Variants in RAB3GAP1 observed in about 807,000 individuals in gnomAD.
RAB3GAP1 encodes the protein RAB3 GTPase activating protein catalytic subunit 1.
In RAB3GAP1, 86 loss-of-function variants were observed where a neutral mutation model predicts 130.7. The ratio of observed to expected loss-of-function variants is 0.66; its 90% CI spans 0.55 to 0.79. The LOEUF is 0.79. Among genes scored for constraint, RAB3GAP1 ranks in the 30% least tolerant of loss-of-function variants. The pLI is 0.00. For missense variants in RAB3GAP1, 1,029 were observed against 1,169.4 expected (o/e 0.88, Z 1.75); for synonymous variants, 367 against 401.7 (o/e 0.91, Z 1.03).
intron 4 of RAB3GAP1, 143 bp from the exon 5 acceptor site, chr2:135,093,472 C>T: frequency 1.5e-6 from 1 of 669,840 alleles, no homozygotes; most frequent in East Asian, 2.7e-5. Context: ...TCTCCCTGTA[C>T]TCAAGAGCTA....
At chr2:135,082,318 C>T (rs1012032504) in intron 3 of RAB3GAP1, among the ~76,000 whole-genome samples, 11 of 152,038 alleles carry the variant, frequency 7.2e-5, no homozygotes, top group Admixed American at 1.3e-4. Flanking sequence ...TAAAGAAACT[C>T]GATACTTGTT....
chr2:135,132,515 T>C (rs1365856709), intron 13 of RAB3GAP1, among the ~76,000 whole-genome samples: 1 of 152,160 alleles, frequency 6.6e-6, no homozygotes, highest in South Asian at 2.1e-4. Flanking sequence ...CATGAGTACA[T>C]GAGTGTTTTT....
intron 17 of RAB3GAP1, among the ~76,000 whole-genome samples, chr2:135,139,184 C>G (rs189345315): frequency 7.9e-5 from 12 of 152,130 alleles, no homozygotes; most frequent in African/African-American, 2.6e-4. Context: ...TTCTGCTAGT[C>G]ATTTTAAAAA....
At chr2:135,097,990 C>T (rs891843131) in intron 5 of RAB3GAP1, among the ~76,000 whole-genome samples, 2 of 152,040 alleles carry the variant, frequency 1.3e-5, no homozygotes, top group Non-Finnish European at 2.9e-5. Flanking sequence ...TTTTGCATTC[C>T]CACCAACAAT....
intron 5 of RAB3GAP1, among the ~76,000 whole-genome samples, chr2:135,105,309 C>A (rs1438909804): frequency 1.3e-5 from 2 of 150,298 alleles, no homozygotes; most frequent in Non-Finnish European, 3.0e-5. Flanking sequence ...CTGCCGCCAT[C>A]TCGGCTCACT....
rs900138401 is a variant in RAB3GAP1 at position 135,144,016 on chromosome 2, G to A, written c.1924-6353G>A. ...CACTTTGCCCGCTGGGGCCCTCTGT[G>A]GCTGGCAATGCTTCTGCCCAGGCCT... On this transcript the variant is annotated intron_variant, in intron 17 of 23. Transcript: ENST00000264158. Among the ~76,000 whole-genome samples, 3 of 152,164 alleles carry A rather than the reference G, an allele frequency of 2.0e-5. No individual in the cohort carries two copies. The South Asian group carries it at 6.2e-4, about 32-fold the overall frequency.
At chr2:135,143,458 T>G (rs1300128463) in intron 17 of RAB3GAP1, among the ~76,000 whole-genome samples, 3 of 152,154 alleles carry the variant, frequency 2.0e-5, no homozygotes, top group Non-Finnish European at 4.4e-5. Context: ...TATTATTTCT[T>G]TGCTTCTACT....
rs143595432 is a variant in RAB3GAP1, at chr2:135,154,549, C to A, written c.2289+673C>A. Among the ~76,000 whole-genome samples, 3 of 152,206 alleles carry A rather than the reference C, an allele frequency of 2.0e-5. No homozygotes were observed. In the East Asian group the frequency reaches 5.8e-4, roughly 29 times the overall value. On this transcript the variant is annotated intron_variant, in intron 19 of 23. Coordinates refer to ENST00000264158, the MANE Select transcript of RAB3GAP1 (RefSeq NM_012233.3). ...AATAAGCCAAATTCCAGTGGAGCTCCCACTGCTCTCAGTCTTTGCAGATAT... is the reference window on the plus strand; with the variant it reads ...AATAAGCCAAATTCCAGTGGAGCTCACACTGCTCTCAGTCTTTGCAGATAT...
intron 8 of RAB3GAP1, 77 bp from the exon 9 acceptor site, chr2:135,124,088 A>G: frequency 2.9e-6 from 4 of 1,372,522 alleles, no homozygotes; most frequent in Non-Finnish European, 4.2e-6. Flanking sequence ...TAAAGCTATG[A>G]TATTCCAAAG....
At chr2:135,117,711 G>GCTTCTTCTTCTGCTT (rs1339794811) in intron 7 of RAB3GAP1, among the ~76,000 whole-genome samples, 3 of 22,044 alleles carry the variant, frequency 1.4e-4, no homozygotes, top group African/African-American at 3.0e-4. Flanking sequence ...TTCTGCTTCT[G>GCTTCTTCTTCTGCTT]CTTCTTCTTC....
At chr2:135,088,556 G>T (rs1690050655) in intron 3 of RAB3GAP1, among the ~76,000 whole-genome samples, 1 of 151,962 alleles carries the variant, frequency 6.6e-6, no homozygotes, top group Non-Finnish European at 1.5e-5. Context: ...AGGCGTGGTG[G>T]TGCATGCCTG....
At chr2:135,130,109 C>T in intron 12 of RAB3GAP1, 22 bp downstream of exon 12, 1 of 1,539,656 alleles carries the variant, frequency 6.5e-7, no homozygotes, top group Non-Finnish European at 9.0e-7. Flanking sequence ...TTTTTTTTAA[C>T]ATTACTTTCA....
At chr2:135,133,361 G>A (rs1028219319) in intron 14 of RAB3GAP1, among the ~76,000 whole-genome samples, 1 of 152,010 alleles carries the variant, frequency 6.6e-6, no homozygotes, top group African/African-American at 2.4e-5. Context: ...AATTTTCATG[G>A]TCTCTTTGTC....
chr2:135,117,609 T>G (rs1281909961), intron 7 of RAB3GAP1, among the ~76,000 whole-genome samples: 126 of 145,320 alleles, frequency 8.7e-4, no homozygotes, highest in African/African-American at 2.2e-3. Context: ...TTCTTCTGCT[T>G]CTTCTGCTTC....
chr2:135,168,911 A>T lies in RAB3GAP1; in HGVS notation c.*130A>T. On this transcript the variant is annotated 3_prime_UTR_variant, in exon 24 of 24. Transcript: ENST00000264158. Reference sequence around the variant, plus strand: ...CAGTTGGGTGATCAGGAATCAAACCAGCATCGGAAAGACTTCCCAGCACCA... The same window carrying T: ...CAGTTGGGTGATCAGGAATCAAACCTGCATCGGAAAGACTTCCCAGCACCA... 1.2e-6 allele frequency: 1 copy of T among 823,322 alleles called. No homozygotes were observed. Among genetic ancestry groups the T allele is most frequent in the Non-Finnish European group, 2.1e-6 (1 of 478,012 alleles). 51.0% of individuals were successfully genotyped at this position (823,322 alleles called of 1,614,324 possible). A position where few individuals can be genotyped will look rare whatever the true frequency, so the allele number is the denominator to read the frequency against.
chr2:135,119,960 A>T (rs1459418695), intron 7 of RAB3GAP1, among the ~76,000 whole-genome samples: 1 of 152,232 alleles, frequency 6.6e-6, no homozygotes, highest in Non-Finnish European at 1.5e-5. Context: ...GAATTGACAG[A>T]TAAATCTAAG....
downstream of RAB3GAP1, among the ~76,000 whole-genome samples, chr2:135,174,397 C>A (rs1053100640): frequency 2.0e-5 from 3 of 152,226 alleles, no homozygotes; most frequent in African/African-American, 7.2e-5. Context: ...GATGGTGTCC[C>A]AGGAGGCAGT....
intron 23 of RAB3GAP1, among the ~76,000 whole-genome samples, chr2:135,166,166 CAA>C (rs199588862): frequency 8.8e-5 from 9 of 102,718 alleles, no homozygotes; most frequent in Non-Finnish European, 1.0e-4. Flanking sequence ...AACTCCATCT[CAA>C]AAAAAAAAAA....
intron 3 of RAB3GAP1, among the ~76,000 whole-genome samples, chr2:135,064,709 A>T (rs1188994969): frequency 1.1e-4 from 15 of 139,532 alleles, no homozygotes; most frequent in Admixed American, 2.8e-4. Flanking sequence ...TTTTGAGTAT[A>T]GATCACATTT....
Sources: gnomAD v4.1 joint callset for allele counts (sites outside exome capture counted in the v4.1 genomes callset) on GRCh38, gnomAD v4.1.1 for gene constraint, MANE v1.5 for transcripts, NCBI Gene and HGNC (gene_info 2026-07-23, HGNC 2026-07-21) for gene names.